The following NIBAN1 variants were observed in gnomAD, a reference collection of about 807,000 sequenced individuals.
NIBAN1 encodes protein Niban 1.
Under a neutral mutation model 75.1 loss-of-function variants are expected in NIBAN1, and 81 were observed. The observed-to-expected ratio is 1.08, with a 90% CI of 0.90 to 1.30. The LOEUF is 1.30. Among genes scored for constraint, NIBAN1 ranks in the 50% most tolerant of loss-of-function variants. The pLI, the probability that NIBAN1 is intolerant of heterozygous loss-of-function variation, is 0.00. For missense variants in NIBAN1, 1,133 were observed against 1,128.1 expected, an observed-to-expected ratio of 1.00 and a Z score of -0.06; for synonymous variants, 436 against 424.8, an observed-to-expected ratio of 1.03 and a Z score of -0.32.
In NIBAN1 at chr1:184,906,651, T is replaced by A. The variant is rs1462330481; in HGVS notation, c.56-7342A>T. On this transcript the variant is annotated intron_variant, in intron 1 of 13. Transcript: ENST00000367511. ...ATCTCAAAAAAGAAAATAATAATAA[T>A]AATAATAAATCAGACTCTTACAAGT... Among the ~76,000 whole-genome samples the A allele has an allele frequency of 2.0e-5, 3 of 151,956 alleles. No individual in the cohort carries two copies. In the East Asian group the frequency reaches 5.8e-4, roughly 29 times the overall value.
In NIBAN1 at chr1:184,948,591, T is replaced by C. The variant is rs538672516; in HGVS notation, c.55+25711A>G. Among the ~76,000 whole-genome samples, 6 of 152,246 alleles carry C rather than the reference T, an allele frequency of 3.9e-5. No homozygotes were observed. In the East Asian group the frequency reaches 1.2e-3, roughly 29 times the overall value. ...ATTAGGATGTTCACTAAAATATTAT[T>C]TATAATAATGAAAATTTTAAAATGA... On this transcript the variant is annotated intron_variant, in intron 1 of 13. Transcript: ENST00000367511.
At chr1:184,865,157 A>G (rs1361018641) in intron 5 of NIBAN1, among the ~76,000 whole-genome samples, 1 of 152,146 alleles carries the variant, frequency 6.6e-6, no homozygotes, top group Non-Finnish European at 1.5e-5. Context: ...TACATGGTAG[A>G]TAGGAATGTA....
chr1:184,905,210 G>C (rs1407352406), intron 1 of NIBAN1, among the ~76,000 whole-genome samples: 1 of 152,076 alleles, frequency 6.6e-6, no homozygotes, highest in Non-Finnish European at 1.5e-5. Context: ...TGACCACCTT[G>C]GTCCCACTCA....
intron 12 of NIBAN1, among the ~76,000 whole-genome samples, chr1:184,800,821 G>C (rs916180870): frequency 1.4e-4 from 22 of 152,308 alleles, no homozygotes; most frequent in African/African-American, 4.8e-4. Flanking sequence ...TCATAGGGTA[G>C]ATGTATGCTT....
chr1:184,832,216 G>A (rs951639663), intron 5 of NIBAN1, among the ~76,000 whole-genome samples: 75 of 152,116 alleles, frequency 4.9e-4, no homozygotes, highest in African/African-American at 1.5e-3. Context: ...AAGGAGGCCC[G>A]TCTCCTTTAC....
intron 4 of NIBAN1, among the ~76,000 whole-genome samples, chr1:184,889,335 G>A (rs1468980509): frequency 6.6e-6 from 1 of 152,148 alleles, no homozygotes; most frequent in Non-Finnish European, 1.5e-5. Flanking sequence ...CTAAGCTAAA[G>A]CATTTGGTAA....
intron 1 of NIBAN1, among the ~76,000 whole-genome samples, chr1:184,900,769 C>T (rs528308009): frequency 6.6e-6 from 1 of 152,250 alleles, no homozygotes; most frequent in South Asian, 2.1e-4. Context: ...CTGCAGGGTA[C>T]AGAAAGAAAC....
At chr1:184,908,491 T>C (rs1657160277) in intron 1 of NIBAN1, among the ~76,000 whole-genome samples, 2 of 152,148 alleles carry the variant, frequency 1.3e-5, no homozygotes, top group South Asian at 2.1e-4. Context: ...CCTTATTCCA[T>C]AGAGAAACTA....
chr1:184,972,896 C>T (rs1425137322), intron 1 of NIBAN1, among the ~76,000 whole-genome samples: 1 of 152,180 alleles, frequency 6.6e-6, no homozygotes, highest in Admixed American at 6.5e-5. Context: ...ACATTAGGTG[C>T]TCCTAAGCTT....
chr1:184,827,027 A>G (rs1654859624), intron 6 of NIBAN1, among the ~76,000 whole-genome samples: 1 of 152,086 alleles, frequency 6.6e-6, no homozygotes, highest in Admixed American at 6.6e-5. Flanking sequence ...ACCAGATCTG[A>G]TGATTTTATA....
chr1:184,960,780 GC>G (rs1392973565), intron 1 of NIBAN1, among the ~76,000 whole-genome samples: 1 of 151,964 alleles, frequency 6.6e-6, no homozygotes, highest in Non-Finnish European at 1.5e-5. Flanking sequence ...AGGCACGTGT[GC>G]CACCACACCC....
At chr1:184,831,775 A>T in intron 6 of NIBAN1, 72 bp downstream of exon 6, 1 of 1,068,616 alleles carries the variant, frequency 9.4e-7, no homozygotes, top group Non-Finnish European at 1.4e-6. Flanking sequence ...TTGTTTAATA[A>T]AATGACCCTG....
intron 5 of NIBAN1, among the ~76,000 whole-genome samples, chr1:184,873,757 A>T (rs1656168550): frequency 6.6e-6 from 1 of 152,142 alleles, no homozygotes; most frequent in Non-Finnish European, 1.5e-5. Context: ...TTTTCTGTGA[A>T]ACCCCTTTTG....
intron 5 of NIBAN1, among the ~76,000 whole-genome samples, chr1:184,879,027 T>C (rs547629201): frequency 2.6e-5 from 4 of 152,132 alleles, no homozygotes; most frequent in Non-Finnish European, 5.9e-5. Context: ...GAGTACTAAC[T>C]ATGTGAGGCA....
At chr1:184,967,225 G>A (rs933481368) in intron 1 of NIBAN1, among the ~76,000 whole-genome samples, 1 of 149,586 alleles carries the variant, frequency 6.7e-6, no homozygotes, top group African/African-American at 2.5e-5. Flanking sequence ...CTCTCTGTGT[G>A]TGTGTGTGTG....
At chr1:184,911,062 T>TACACACACACACAC (rs35550596) in intron 1 of NIBAN1, among the ~76,000 whole-genome samples, 1 of 144,436 alleles carries the variant, frequency 6.9e-6, no homozygotes, top group African/African-American at 2.5e-5. Flanking sequence ...TTATAACAAA[T>TACACACACACACAC]ACACACACAC....
At chr1:184,837,227 G>A (rs566959081) in intron 5 of NIBAN1, among the ~76,000 whole-genome samples, 1 of 152,292 alleles carries the variant, frequency 6.6e-6, no homozygotes, top group Admixed American at 6.5e-5. Context: ...TTCGTTCTGT[G>A]GCCCTCAGAA....
chr1:184,810,026 G>A (rs1654330374), intron 9 of NIBAN1, among the ~76,000 whole-genome samples: 1 of 152,110 alleles, frequency 6.6e-6, no homozygotes, highest in Non-Finnish European at 1.5e-5. Flanking sequence ...TTGCTTGAGG[G>A]GAGGAGGTGG....
At chr1:184,940,191 C>G (rs900912348) in intron 1 of NIBAN1, among the ~76,000 whole-genome samples, 1 of 152,142 alleles carries the variant, frequency 6.6e-6, no homozygotes, top group African/African-American at 2.4e-5. Context: ...TTGGGGGTAA[C>G]TGGCTACCCA....
Sources: allele counts gnomAD v4.1 joint callset (sites outside exome capture counted in the v4.1 genomes callset), GRCh38; gene constraint gnomAD v4.1.1; transcripts MANE v1.5; gene names NCBI Gene and HGNC (gene_info 2026-07-23, HGNC 2026-07-21).